Variants in RBM39 observed in about 807,000 individuals in gnomAD.
The protein encoded by RBM39 is RNA binding motif protein 39, also known as RNA-binding protein 39.
In RBM39, 12 loss-of-function variants were observed where a neutral mutation model predicts 79.6. The ratio of observed to expected loss-of-function variants is 0.15; its 90% confidence interval spans 0.10 to 0.24. The LOEUF is 0.24. Among genes scored for constraint, RBM39 ranks in the 10% least tolerant of loss-of-function variants. The pLI is 1.00. For synonymous variants in RBM39, 185 were observed against 208.4 expected (o/e 0.89, Z 0.97); for missense variants, 243 against 653.4 (o/e 0.37, Z 6.85).
chr20:35,710,930 A>G (rs1011926592), intron 12 of RBM39, among the ~76,000 whole-genome samples: 1 of 152,150 alleles, frequency 6.6e-6, no homozygotes, highest in Non-Finnish European at 1.5e-5. Context: ...AGGAATCCAT[A>G]TGGAGCTTTA....
At chr20:35,727,719 G>A (rs758984915) in intron 6 of RBM39, among the ~76,000 whole-genome samples, 31 of 145,138 alleles carry the variant, frequency 2.1e-4, no homozygotes, top group Non-Finnish European at 4.0e-4. Context: ...GCGCGATCTC[G>A]GCTCACTGCA....
rs941896242 is a variant in RBM39, at chr20:35,721,108, T to A, written c.825+632A>T. 2.0e-5 allele frequency among the ~76,000 whole-genome samples: 3 copies of A among 151,966 alleles called. 1 individual carries two copies. The highest frequency in any genetic ancestry group is 2.0e-4 in the Admixed American group (3 of 15,242). ...GAGACGCACCAACACGCCCAGCTAATTTTTGTATTTTTAACAGAGACGTGG... is the reference window on the plus strand; with the variant it reads ...GAGACGCACCAACACGCCCAGCTAAATTTTGTATTTTTAACAGAGACGTGG... On this transcript the variant is annotated intron_variant, in intron 9 of 16. Coordinates refer to ENST00000253363, the MANE Select transcript of RBM39 (RefSeq NM_184234.3).
chr20:35,718,150 C>T (rs1183542430), intron 9 of RBM39, among the ~76,000 whole-genome samples: 1 of 152,008 alleles, frequency 6.6e-6, no homozygotes, highest in Non-Finnish European at 1.5e-5. Context: ...TGAGCCACTG[C>T]GCCCAGCCCA....
intron 1 of RBM39, 126 bp downstream of exon 1, chr20:35,741,815 G>A (rs2040574331): frequency 6.4e-6 from 1 of 156,880 alleles, no homozygotes; most frequent in Non-Finnish European, 1.4e-5. Flanking sequence ...CACTGAAACA[G>A]GGCCGATTTC....
chr20:35,708,047 A>C (rs946606435), intron 13 of RBM39: 1 of 325,428 alleles, frequency 3.1e-6, no homozygotes, highest in Non-Finnish European at 6.4e-6. Context: ...ACGATCACTT[A>C]AAGTATCAGA....
intron 3 of RBM39, chr20:35,734,903 G>A: frequency 6.4e-7 from 1 of 1,564,662 alleles, no homozygotes; most frequent in Non-Finnish European, 8.6e-7. Context: ...ACTTAAAAGG[G>A]ACTTTCCAAA....
intron 11 of RBM39, chr20:35,713,620 C>T (rs1283168246): frequency 2.1e-5 from 3 of 144,354 alleles, no homozygotes; most frequent in Non-Finnish European, 3.0e-5. Flanking sequence ...CTACCGCACC[C>T]GGCAGAAACC....
At chr20:35,734,221 G>A (rs897741073) in intron 3 of RBM39, 17 of 1,303,454 alleles carry the variant, frequency 1.3e-5, no homozygotes, top group Non-Finnish European at 1.6e-5. Flanking sequence ...CCAATCACAA[G>A]GAGATGTAGA....
chr20:35,724,822 T>C (rs911202782), intron 7 of RBM39, 100 bp from the exon 8 acceptor site: 8 of 1,390,214 alleles, frequency 5.8e-6, no homozygotes, highest in Non-Finnish European at 7.8e-6. Context: ...TTTAAAAATT[T>C]AATTAAAAAA....
At chr20:35,736,061 C>T (rs1315538631) in intron 3 of RBM39, among the ~76,000 whole-genome samples, 3 of 152,216 alleles carry the variant, frequency 2.0e-5, no homozygotes, top group African/African-American at 7.2e-5. Flanking sequence ...CAAAAGTGTA[C>T]GTTCTTATCC....
chr20:35,729,621 G>C, intron 4 of RBM39, 94 bp from the exon 5 acceptor site: 4 of 1,128,842 alleles, frequency 3.5e-6, no homozygotes, highest in Non-Finnish European at 3.9e-6. Flanking sequence ...CATTGTTTAG[G>C]CTACTGCTTT....
At position 35,712,971 on chromosome 20, in the gene RBM39, G is replaced by C. The variant is rs192200260; in HGVS notation, c.1174+48C>G. On this transcript the variant is annotated intron_variant, in intron 12 of 16. Transcript: ENST00000253363. The stretch of plus-strand genomic sequence containing the variant: ...AAATGTAAAAATTTGGAAAATTTTC[G>C]AATTAGATGAAAAAACGATTTAAAA... 3 of 1,525,332 alleles carry C rather than the reference G, an allele frequency of 2.0e-6. No individual in the cohort carries two copies. In the African/African-American group the frequency reaches 4.2e-5, roughly 21 times the overall value. 94.5% of individuals were successfully genotyped at this position (1,525,332 alleles called of 1,614,324 possible).
At chr20:35,727,140 A>T (rs1239699780) in intron 6 of RBM39, among the ~76,000 whole-genome samples, 1 of 151,754 alleles carries the variant, frequency 6.6e-6, no homozygotes, top group Non-Finnish European at 1.5e-5. Context: ...TTGGCCCTGG[A>T]TTTTCAGACC....
At chr20:35,719,377 A>G (rs2037605657) in intron 9 of RBM39, among the ~76,000 whole-genome samples, 1 of 152,190 alleles carries the variant, frequency 6.6e-6, no homozygotes, top group Non-Finnish European at 1.5e-5. Context: ...AAGAGAGTTG[A>G]GTACTTGCAA....
intron 13 of RBM39, 199 bp from the exon 14 acceptor site, chr20:35,707,400 T>C: frequency 2.7e-6 from 1 of 372,376 alleles, no homozygotes; most frequent in Non-Finnish European, 4.9e-6. Flanking sequence ...AACCTAATAC[T>C]TGAAACAGAC....
At chr20:35,726,028 T>A (rs1469019404) in intron 6 of RBM39, among the ~76,000 whole-genome samples, 1 of 152,182 alleles carries the variant, frequency 6.6e-6, no homozygotes, top group Non-Finnish European at 1.5e-5. Context: ...TCAATGTAAC[T>A]CAATTCCTTC....
At chr20:35,709,144 CAATA>C (rs1217429013) in intron 13 of RBM39, 76 bp downstream of exon 13, 6 of 1,300,906 alleles carry the variant, frequency 4.6e-6, no homozygotes, top group Non-Finnish European at 6.4e-6. Context: ...AAAAATATGA[CAATA>C]AATATAGAAA....
At chr20:35,734,452 C>T in intron 3 of RBM39, 1 of 245,524 alleles carries the variant, frequency 4.1e-6, no homozygotes, top group South Asian at 4.7e-5. Flanking sequence ...CTATAGAACT[C>T]TGAGATTTCT....
chr20:35,709,212 A>G lies in RBM39; in HGVS notation c.1225+12T>C. ...AAAGACAAAAATAAAAAATATGAAC[A>G]CTTCAACTCACCTTCAGTCTGCTGG... On this transcript the variant is annotated intron_variant, in intron 13 of 16. Coordinates refer to ENST00000253363, the MANE Select transcript of RBM39 (RefSeq NM_184234.3). 6.3e-7 allele frequency: 1 copy of G among 1,591,740 alleles called. No homozygotes were observed. Among genetic ancestry groups the G allele is most frequent in the Non-Finnish European group, 8.6e-7 (1 of 1,168,952 alleles).
Sources: gnomAD v4.1 joint callset for allele counts (sites outside exome capture counted in the v4.1 genomes callset) on GRCh38, gnomAD v4.1.1 for gene constraint, MANE v1.5 for transcripts, NCBI Gene and HGNC (gene_info 2026-07-23, HGNC 2026-07-21) for gene names.